LRRC9: variants seen among roughly 807,000 people sequenced by gnomAD.
LRRC9 encodes the protein leucine rich repeat containing 9, also known as leucine-rich repeat-containing protein 9.
In LRRC9, 122 loss-of-function variants were observed where a neutral mutation model predicts 63.2. The observed-to-expected ratio is 1.93, with a 90% CI of 1.67 to 2.24. LRRC9 has a LOEUF of 2.24. Among genes scored for constraint, LRRC9 ranks in the 30% most tolerant of loss-of-function variants. LRRC9 has a pLI of 0.00. For missense variants in LRRC9, 1,071 were observed against 627.7 expected (o/e 1.71, Z -7.55); for synonymous variants, 366 against 213.1 (o/e 1.72, Z -6.25).
chr14:60,038,714 C>T (rs950689673), intron 29 of LRRC9, among the ~76,000 whole-genome samples: 1 of 152,046 alleles, frequency 6.6e-6, no homozygotes, highest in Non-Finnish European at 1.5e-5. Flanking sequence ...ATCTGCAAAC[C>T]GGGACAATTT....
chr14:59,974,544 A>G, intron 12 of LRRC9, 32 bp from the exon 13 acceptor site: 1 of 582,136 alleles, frequency 1.7e-6, no homozygotes, highest in Admixed American at 3.2e-5. Context: ...TCAATTTTAT[A>G]AAAATACTCA....
chr14:60,065,320 A>T (rs542191851), downstream of LRRC9, among the ~76,000 whole-genome samples: 8 of 150,868 alleles, frequency 5.3e-5, no homozygotes, highest in South Asian at 1.7e-3. Flanking sequence ...TCAAAAAAAA[A>T]TTTTTTTTTC....
intron 18 of LRRC9, 64 bp from the exon 19 acceptor site, chr14:59,999,037 A>C (rs1889092695): frequency 1.1e-5 from 6 of 560,972 alleles, no homozygotes; most frequent in Non-Finnish European, 1.9e-5. Context: ...ACATGAAAAC[A>C]GTCATTTTCA....
rs558624208 is a variant in LRRC9 at position 59,935,165 on chromosome 14, C to T, written c.543+3126C>T. Among the ~76,000 whole-genome samples the T allele has an allele frequency of 6.5e-4, 97 of 148,368 alleles. No individual in the cohort carries two copies. In the South Asian group the frequency reaches 7.5e-3, roughly 11 times the overall value. ...AAAAATAGCCAGGCGTGGTGGTGGG[C>T]GCCTGTAATCCCAGCCTATTCAGGA... On this transcript the variant is annotated intron_variant, in intron 6 of 31. Transcript: ENST00000445360.
intron 29 of LRRC9, among the ~76,000 whole-genome samples, chr14:60,033,283 A>G (rs1892144539): frequency 6.6e-6 from 1 of 151,858 alleles, no homozygotes; most frequent in Non-Finnish European, 1.5e-5. Flanking sequence ...TTTCTTTCCA[A>G]TTCTCATATT....
intron 29 of LRRC9, among the ~76,000 whole-genome samples, chr14:60,041,483 T>G (rs956279434): frequency 1.3e-5 from 2 of 152,214 alleles, no homozygotes; most frequent in Non-Finnish European, 2.9e-5. Context: ...TCACTTCATT[T>G]CATTCGTTTG....
At chr14:59,971,043 G>A (rs550078398) in intron 12 of LRRC9, among the ~76,000 whole-genome samples, 14 of 152,066 alleles carry the variant, frequency 9.2e-5, no homozygotes, top group African/African-American at 2.6e-4. Flanking sequence ...TGAGGGTTTC[G>A]ATAGTTTTGG....
chr14:60,000,664 T>C (rs1236391896), intron 19 of LRRC9, among the ~76,000 whole-genome samples: 2 of 152,044 alleles, frequency 1.3e-5, no homozygotes, highest in Non-Finnish European at 2.9e-5. Context: ...AAACCAAAAA[T>C]TTTTTTGAAG....
intron 24 of LRRC9, 116 bp from the exon 25 acceptor site, chr14:60,018,253 TAC>T (rs1890852290): frequency 1.6e-6 from 1 of 633,214 alleles, no homozygotes; most frequent in East Asian, 2.8e-5. Context: ...ATTATTTTTA[TAC>T]TTGTCAGGTG....
Position 60,042,345 on chromosome 14 carries a change from G to C in LRRC9, c.3990+10282G>C, listed in dbSNP as rs527667878. Among the ~76,000 whole-genome samples the C allele has an allele frequency of 6.6e-5, 10 of 152,350 alleles. No homozygotes were observed. The highest frequency in any genetic ancestry group is 1.2e-4 in the Non-Finnish European group (8 of 68,032). ...GTTGTTCAGCTATGCCCTGCCCCCA[G>C]AGGTGGAGTCTACAGAGGCAGGCAG... On this transcript the variant is annotated intron_variant, in intron 29 of 31. Coordinates refer to ENST00000445360, the Ensembl canonical transcript of LRRC9. This position sits in a 1 kb window ranked among gnomAD's most constrained non-coding sequence, Gnocchi z 4.2.
chr14:59,944,069 G>A (rs186007178), intron 7 of LRRC9, among the ~76,000 whole-genome samples: 1 of 151,816 alleles, frequency 6.6e-6, no homozygotes, highest in East Asian at 1.9e-4. Flanking sequence ...ATTAAGGAAC[G>A]CAAGATAAAT....
chr14:60,028,419 A>G (rs1057353868), intron 28 of LRRC9, among the ~76,000 whole-genome samples: 8 of 151,988 alleles, frequency 5.3e-5, no homozygotes, highest in Admixed American at 3.9e-4. Context: ...TTGTTTCTGA[A>G]TCTCGATTCC....
At chr14:59,971,252 T>G (rs1475167618) in intron 12 of LRRC9, among the ~76,000 whole-genome samples, 1 of 152,144 alleles carries the variant, frequency 6.6e-6, no homozygotes, top group Non-Finnish European at 1.5e-5. Flanking sequence ...TGTGCAACCT[T>G]ATTTCCAGGC....
At chr14:60,035,502 C>T (rs1209213629) in intron 29 of LRRC9, among the ~76,000 whole-genome samples, 3 of 152,090 alleles carry the variant, frequency 2.0e-5, no homozygotes, top group Non-Finnish European at 4.4e-5. Flanking sequence ...GTCTTCAATC[C>T]ATTTTTATTT....
At chr14:59,943,778 T>A (rs912736245) in intron 7 of LRRC9, among the ~76,000 whole-genome samples, 2 of 152,052 alleles carry the variant, frequency 1.3e-5, no homozygotes, top group Non-Finnish European at 2.9e-5. Flanking sequence ...AGGATCTTGA[T>A]TATCCACTCC....
rs116525835 is a variant in LRRC9 at position 59,956,279 on chromosome 14, T to C, written c.883-3539T>C. 2.7e-3 allele frequency among the ~76,000 whole-genome samples: 412 copies of C among 151,126 alleles called. 1 individual carries two copies. The highest frequency in any genetic ancestry group is 9.5e-3 in the African/African-American group (389 of 41,112). On this transcript the variant is annotated intron_variant, in intron 8 of 31. Coordinates refer to ENST00000445360, the Ensembl canonical transcript of LRRC9. ...TTATTGTGTGAGTGTCTAAGTCTCT[T>C]TGTAGATCTCTAAGATCTTATTTTA...
At position 59,936,326 on chromosome 14, in the gene LRRC9, T is replaced by C. The variant is rs1466946158; in HGVS notation, c.544-2064T>C. ...ACGTGATTCACAGGAAGTTTTACTA[T>C]CTTCATATTAAAAATGTTCCTGGAA... On this transcript the variant is annotated intron_variant, in intron 6 of 31. Transcript: ENST00000445360. This position sits in a 1 kb window ranked among gnomAD's most constrained non-coding sequence, Gnocchi z 4.2. Among the ~76,000 whole-genome samples the C allele has an allele frequency of 1.3e-5, 2 of 152,174 alleles. No individual in the cohort carries two copies. Among genetic ancestry groups the C allele is most frequent in the Non-Finnish European group, 2.9e-5 (2 of 68,024 alleles).
In LRRC9 at chr14:60,057,873, T is replaced by C. The variant is rs960064202; in HGVS notation, c.4132-5T>C. ...TGTTATTAACTGTTTTATTTTATTA[T>C]GTAGCTTATTCCTGTTACCCACTCT... On this transcript the variant is annotated splice_region_variant and splice_polypyrimidine_tract_variant and intron_variant, in intron 30 of 31. Coordinates refer to ENST00000445360, the Ensembl canonical transcript of LRRC9. 9.1e-6 allele frequency: 6 copies of C among 657,778 alleles called. No individual in the cohort carries two copies. The highest frequency in any genetic ancestry group is 4.1e-5 in the Admixed American group (2 of 49,052). The allele number at this position is 657,778 out of a possible 1,614,324, so 40.7% of individuals were successfully genotyped here.
intron 1 of LRRC9, among the ~76,000 whole-genome samples, chr14:59,926,403 A>T (rs1309189585): frequency 1.3e-5 from 2 of 152,200 alleles, no homozygotes; most frequent in Non-Finnish European, 2.9e-5. Flanking sequence ...ATGCCAGCAC[A>T]TGTACATAAT....
Sources: gnomAD v4.1 joint callset for allele counts (sites outside exome capture counted in the v4.1 genomes callset) on GRCh38, gnomAD v4.1.1 for gene constraint, Gnocchi (gnomAD v3.1) non-coding constraint, MANE v1.5 for transcripts, NCBI Gene and HGNC (gene_info 2026-07-23, HGNC 2026-07-21) for gene names.